The following RGPD2 variants were observed in gnomAD, a reference collection of about 807,000 sequenced individuals.
RGPD2 encodes RANBP2-like and GRIP domain-containing protein 2.
RGPD2 carries 2 observed loss-of-function variants against 36.0 expected under a neutral mutation model. The ratio of observed to expected loss-of-function variants is 0.06; its 90% CI spans 0.02 to 0.17. The LOEUF (loss-of-function observed/expected upper bound fraction) is 0.17. Among genes scored for constraint, RGPD2 ranks in the 10% least tolerant of loss-of-function variants. The pLI, the probability that RGPD2 is intolerant of heterozygous loss-of-function variation, is 1.00. For missense variants in RGPD2, 40 were observed against 464.3 expected (o/e 0.09, Z 8.40); for synonymous variants, 19 against 163.8 (o/e 0.12, Z 6.75).
chr2:87,869,328 TA>T, the RGPD2 span, among the ~76,000 whole-genome samples: 2 of 90,512 alleles, frequency 2.2e-5, no homozygotes, highest in Non-Finnish European at 4.4e-5. Context: ...AGTTTTGTCT[TA>T]TTTTTTTAAA....
At chr2:87,979,938 G>A in the RGPD2 span, among the ~76,000 whole-genome samples, 752 of 150,822 alleles carry the variant, frequency 5.0e-3, 10 homozygotes, top group African/African-American at 0.015. Context: ...GTCTATATAG[G>A]AGTGTAGGTT....
chr2:87,857,742 T>A, the RGPD2 span, among the ~76,000 whole-genome samples: 14 of 141,594 alleles, frequency 9.9e-5, no homozygotes. Context: ...ATTGAGACCA[T>A]CCTGGCCAAC....
chr2:87,762,255 T>A lies in RGPD2; in HGVS notation c.5237-4829A>T, dbSNP rs1192259556. Reference sequence around the variant, plus strand: ...AGCTAATTTGTCTTGGCAAAAGGCCTTAGCAAGCTGTGAGTGGTGGCTCAT... The same window carrying A: ...AGCTAATTTGTCTTGGCAAAAGGCCATAGCAAGCTGTGAGTGGTGGCTCAT... On this transcript the variant is annotated intron_variant, in intron 22 of 22. Transcript: ENST00000398146. Among the ~76,000 whole-genome samples, 77 of 91,798 alleles carry A rather than the reference T, an allele frequency of 8.4e-4. 22 individuals are homozygous for A. Among genetic ancestry groups the A allele is most frequent in the Non-Finnish European group, 2.7e-4 (14 of 51,854 alleles). 60.2% of individuals were successfully genotyped at this position (91,798 alleles called of 152,430 possible).
the RGPD2 span, among the ~76,000 whole-genome samples, chr2:87,866,346 C>T: frequency 2.7e-5 from 4 of 150,314 alleles, no homozygotes; most frequent in South Asian, 6.6e-4. Flanking sequence ...AATAATTAAT[C>T]ATTGTGTCAA....
the RGPD2 span, among the ~76,000 whole-genome samples, chr2:87,917,195 A>C: frequency 6.6e-6 from 1 of 151,338 alleles, no homozygotes; most frequent in Non-Finnish European, 1.5e-5. Flanking sequence ...AAAAGGTAGG[A>C]GGTAAAGTCA....
chr2:87,866,977 A>T, the RGPD2 span, among the ~76,000 whole-genome samples: 5 of 151,928 alleles, frequency 3.3e-5, no homozygotes, highest in Non-Finnish European at 4.4e-5. Flanking sequence ...ACCTAAATCG[A>T]TTTTTTTTCT....
At chr2:87,985,224 A>G in the RGPD2 span, among the ~76,000 whole-genome samples, 1 of 150,494 alleles carries the variant, frequency 6.6e-6, no homozygotes, top group Non-Finnish European at 1.5e-5. Flanking sequence ...ATAAGTACAG[A>G]GTAGATGGTA....
the RGPD2 span, among the ~76,000 whole-genome samples, chr2:87,873,138 A>G: frequency 6.6e-6 from 1 of 152,222 alleles, no homozygotes; most frequent in East Asian, 1.9e-4. Context: ...AATACCTTCC[A>G]ACTCCATCCA....
At chr2:87,809,232 G>A (rs1476214334) in intron 6 of RGPD2, among the ~76,000 whole-genome samples, 1 of 151,940 alleles carries the variant, frequency 6.6e-6, no homozygotes, top group Non-Finnish European at 1.5e-5. Flanking sequence ...GTGAACCCTG[G>A]AGACAGAGCT....
At chr2:87,909,794 TTAA>T in the RGPD2 span, among the ~76,000 whole-genome samples, 1 of 151,448 alleles carries the variant, frequency 6.6e-6, no homozygotes, top group East Asian at 1.9e-4. Flanking sequence ...TTCTAGCACA[TTAA>T]TGTTATAAAA....
chr2:87,932,591 G>C, the RGPD2 span, among the ~76,000 whole-genome samples: 1 of 144,946 alleles, frequency 6.9e-6, no homozygotes, highest in African/African-American at 2.6e-5. Flanking sequence ...GGCTGGTAAT[G>C]GTCTTTCCTT....
At chr2:87,857,365 C>T in the RGPD2 span, among the ~76,000 whole-genome samples, 104 of 150,864 alleles carry the variant, frequency 6.9e-4, no homozygotes, top group African/African-American at 1.2e-3. Context: ...TTTTTTGAGA[C>T]GGAGTCTCGC....
At chr2:87,870,265 G>A in the RGPD2 span, among the ~76,000 whole-genome samples, 30 of 152,344 alleles carry the variant, frequency 2.0e-4, no homozygotes, top group Non-Finnish European at 3.5e-4. Flanking sequence ...CAGGTTGGGA[G>A]CATGTCTTGC....
chr2:87,826,971 G>A (rs1326568490), upstream of RGPD2, among the ~76,000 whole-genome samples: 27 of 134,868 alleles, frequency 2.0e-4, no homozygotes, highest in African/African-American at 7.6e-4. Flanking sequence ...CAAGAATCCT[G>A]TGGAAATGAT....
At chr2:87,836,325 G>A in the RGPD2 span, among the ~76,000 whole-genome samples, 6 of 103,250 alleles carry the variant, frequency 5.8e-5, no homozygotes, top group Admixed American at 1.9e-4. Context: ...GAGGGAGGAC[G>A]GAAGGAAGGA....
chr2:87,961,085 G>A, the RGPD2 span, among the ~76,000 whole-genome samples: 1 of 150,736 alleles, frequency 6.6e-6, no homozygotes. Context: ...TGGTATTCTA[G>A]GTTTATACTA....
chr2:87,805,593 TCACGCTTGTAAATCCCAG>T (rs1685913248), intron 7 of RGPD2, among the ~76,000 whole-genome samples: 1 of 150,248 alleles, frequency 6.7e-6, no homozygotes, highest in African/African-American at 2.4e-5. Context: ...GAATGGTGGC[TCACGCTTGTAAATCCCAG>T]CACTTTGGGA....
the RGPD2 span, among the ~76,000 whole-genome samples, chr2:87,925,853 G>GT: frequency 1.0e-4 from 14 of 137,256 alleles, no homozygotes; most frequent in Admixed American, 3.0e-4. Flanking sequence ...TTTTTGATGG[G>GT]TTTTTTTTTC....
chr2:87,956,327 G>T, the RGPD2 span, among the ~76,000 whole-genome samples: 1 of 151,756 alleles, frequency 6.6e-6, no homozygotes, highest in Non-Finnish European at 1.5e-5. Flanking sequence ...GGTGTTACAA[G>T]GTGAGAATCT....
Sources: gnomAD v4.1 joint callset for allele counts (sites outside exome capture counted in the v4.1 genomes callset) on GRCh38, gnomAD v4.1.1 for gene constraint, MANE v1.5 for transcripts, NCBI Gene and HGNC (gene_info 2026-07-23, HGNC 2026-07-21) for gene names.